Variants in TACC2 observed in about 807,000 individuals in gnomAD.
The protein encoded by TACC2 is transforming acidic coiled-coil containing protein 2.
In TACC2, 137 loss-of-function variants were observed where a neutral mutation model predicts 227.3. The ratio of observed to expected loss-of-function variants is 0.60; its 90% CI spans 0.52 to 0.69. The LOEUF is 0.69. Among genes scored for constraint, TACC2 ranks in the 30% least tolerant of loss-of-function variants. The probability of loss-of-function intolerance (pLI) is 0.00; values close to 1 mark genes in which losing one functional copy is unlikely to be tolerated. For missense variants in TACC2, 3,470 were observed against 3,694.4 expected (o/e 0.94, Z 1.57); for synonymous variants, 1,523 against 1,487.5 (o/e 1.02, Z -0.55).
chr10:122,024,722 G>T (rs1179997032), intron 2 of TACC2, among the ~76,000 whole-genome samples: 1 of 151,978 alleles, frequency 6.6e-6, no homozygotes, highest in Non-Finnish European at 1.5e-5. Flanking sequence ...ATTTATCCAA[G>T]TACTGTGTGT....
Position 122,143,709 on chromosome 10 carries a change from A to G in TACC2, c.5834+3A>G. ...GATCCGGCCAAGGACCTCAGCAGGT[A>G]TTGCGCAAGTCCCCCTCCACAGCAC... On this transcript the variant is annotated splice_donor_region_variant and intron_variant, in intron 7 of 22. Coordinates refer to ENST00000369005, the MANE Select transcript of TACC2 (RefSeq NM_206862.4). 6.2e-7 allele frequency: 1 copy of G among 1,611,938 alleles called. No individual in the cohort carries two copies. Among genetic ancestry groups the G allele is most frequent in the East Asian group, 2.2e-5 (1 of 44,784 alleles).
chr10:122,074,963 A>G (rs1330564042), intron 3 of TACC2, among the ~76,000 whole-genome samples: 1 of 152,130 alleles, frequency 6.6e-6, no homozygotes, highest in Non-Finnish European at 1.5e-5. Flanking sequence ...AGATCTTGAC[A>G]AGCCCTCAGA....
rs117668816 is a variant in TACC2, at chr10:122,141,656, C to T, written c.5700-1916C>T. Among the ~76,000 whole-genome samples the T allele has an allele frequency of 0.03, 4,529 of 152,116 alleles. 104 individuals carry two copies. Among genetic ancestry groups the T allele is most frequent in the Middle Eastern group, 0.068 (20 of 294 alleles). On this transcript the variant is annotated intron_variant, in intron 6 of 22. Coordinates refer to ENST00000369005, the MANE Select transcript of TACC2 (RefSeq NM_206862.4). The surrounding 1 kb of genome is among the most constrained non-coding windows in gnomAD (Gnocchi z 4.3). ...GAGCTGGCTTTGTTGTGATTAGCAGCGGGCCACAGATCTAAGGTAGCATCT... is the reference window on the plus strand; with the variant it reads ...GAGCTGGCTTTGTTGTGATTAGCAGTGGGCCACAGATCTAAGGTAGCATCT...
intron 1 of TACC2, among the ~76,000 whole-genome samples, chr10:122,000,881 C>T (rs1042507999): frequency 6.6e-6 from 1 of 152,090 alleles, no homozygotes; most frequent in Non-Finnish European, 1.5e-5. Flanking sequence ...GGAGTGTAGT[C>T]ATGTGATCTT....
chr10:122,218,091 C>T (rs1346403215), intron 11 of TACC2, among the ~76,000 whole-genome samples: 3 of 152,066 alleles, frequency 2.0e-5, no homozygotes, highest in Non-Finnish European at 4.4e-5. Flanking sequence ...ATTACAGGTG[C>T]GCACCACCAC....
chr10:122,164,908 G>T (rs972557482), intron 7 of TACC2, among the ~76,000 whole-genome samples: 1 of 151,988 alleles, frequency 6.6e-6, no homozygotes. Flanking sequence ...TTAAAAGATG[G>T]TGGGGATTGA....
chr10:122,249,226 C>T, intron 21 of TACC2, 70 bp downstream of exon 21: 1 of 1,155,704 alleles, frequency 8.7e-7, no homozygotes, highest in Non-Finnish European at 1.3e-6. Context: ...CAGGCTGGGA[C>T]CTCTGGCAGC....
At chr10:122,023,611 C>G (rs1957595217) in intron 2 of TACC2, 1 of 151,254 alleles carries the variant, frequency 6.6e-6, no homozygotes. Flanking sequence ...GACTTGGACA[C>G]AGGATGGGGA....
At chr10:122,143,319 A>AG (rs112446921) in intron 6 of TACC2, among the ~76,000 whole-genome samples, 1 of 147,818 alleles carries the variant, frequency 6.8e-6, no homozygotes, top group Non-Finnish European at 1.5e-5. Context: ...CCTCTGTTAA[A>AG]GAAACCCGGT....
At chr10:122,140,170 A>G (rs566398574) in intron 6 of TACC2, among the ~76,000 whole-genome samples, 1 of 152,292 alleles carries the variant, frequency 6.6e-6, no homozygotes, top group South Asian at 2.1e-4. Flanking sequence ...AGGGACAGCA[A>G]ACTCTTCAGA....
intron 15 of TACC2, 58 bp downstream of exon 15, chr10:122,229,544 C>A: frequency 6.3e-7 from 1 of 1,585,836 alleles, no homozygotes; most frequent in South Asian, 1.1e-5. Context: ...AGAGAATGAA[C>A]CCCCGAGGCC....
chr10:122,239,505 T>C (rs2095936645), intron 18 of TACC2, among the ~76,000 whole-genome samples: 1 of 152,246 alleles, frequency 6.6e-6, no homozygotes, highest in Non-Finnish European at 1.5e-5. Flanking sequence ...TATTTCACAT[T>C]CAAACGAAAG....
rs763325586 is a variant in TACC2 at position 122,227,875 on chromosome 10, C to T, written c.7763C>T (p.Ala2588Val). The T allele has an allele frequency of 1.9e-6, 3 of 1,614,192 alleles. No individual in the cohort carries two copies. Among genetic ancestry groups the T allele is most frequent in the Non-Finnish European group, 2.5e-6 (3 of 1,180,020 alleles). ...FEETEALVNT[A>V]AKNQHPVPRG... is the part of the protein sequence containing the mutation. ...GAGACTGAAGCCCTTGTGAACACTG[C>T]TGCGAAAAACCAGCATCCTGTCCCA... The change falls in exon 14 of 23, where the codon GCT becomes GTT. Residue 2588 changes from alanine to valine, a missense_variant. Coordinates refer to ENST00000369005, the MANE Select transcript of TACC2 (RefSeq NM_206862.4).
chr10:122,232,242 A>G (rs2095767870), intron 16 of TACC2, among the ~76,000 whole-genome samples: 1 of 152,236 alleles, frequency 6.6e-6, no homozygotes, highest in South Asian at 2.1e-4. Context: ...TTGGGGCCTA[A>G]AGACAGAATG....
chr10:122,234,961 C>T (rs1427867496), intron 16 of TACC2, among the ~76,000 whole-genome samples: 1 of 152,148 alleles, frequency 6.6e-6, no homozygotes. Flanking sequence ...TTCAGAAGGT[C>T]CACGCTGAGT....
intron 3 of TACC2, among the ~76,000 whole-genome samples, chr10:122,082,194 G>A (rs1376948843): frequency 6.6e-6 from 1 of 152,186 alleles, no homozygotes; most frequent in Non-Finnish European, 1.5e-5. Context: ...TGTGGTCCCA[G>A]CTACTTGGGA....
At chr10:122,164,007 C>A (rs896914265) in intron 7 of TACC2, 1 of 1,569,910 alleles carries the variant, frequency 6.4e-7, no homozygotes, top group East Asian at 2.4e-5. Context: ...GTGCTCCGCC[C>A]GGGCCGCCCC....
At chr10:122,232,543 C>T (rs1429755799) in intron 16 of TACC2, among the ~76,000 whole-genome samples, 1 of 152,182 alleles carries the variant, frequency 6.6e-6, no homozygotes, top group Non-Finnish European at 1.5e-5. Context: ...GCCCAAGCCA[C>T]CTCTTTTATT....
At chr10:122,228,047 G>A (rs2141377610) in intron 14 of TACC2, 39 bp downstream of exon 14, 1 of 1,590,932 alleles carries the variant, frequency 6.3e-7, no homozygotes, top group Non-Finnish European at 8.6e-7. Flanking sequence ...CAGGGGATGA[G>A]GTGTGGGCCA....
Sources: allele counts gnomAD v4.1 joint callset (sites outside exome capture counted in the v4.1 genomes callset), GRCh38; gene constraint gnomAD v4.1.1; non-coding constraint Gnocchi (gnomAD v3.1); transcripts MANE v1.5; gene names NCBI Gene and HGNC (gene_info 2026-07-23, HGNC 2026-07-21).